Variants in IGF1R observed in about 807,000 individuals in gnomAD.
The protein encoded by IGF1R is insulin-like growth factor 1 receptor.
In IGF1R, 44 loss-of-function variants were observed where a neutral mutation model predicts 144.6. That is an observed-to-expected ratio of 0.30 (90% confidence interval 0.24 to 0.39). IGF1R has a LOEUF of 0.39. Ranked by LOEUF, IGF1R falls within the 10% of genes least tolerant of loss-of-function variation. The pLI is 1.00. For synonymous variants in IGF1R, 795 were observed against 722.8 expected (o/e 1.10, Z -1.60); for missense variants, 1,355 against 1,833.7 (o/e 0.74, Z 4.77).
rs1463560318 is a variant in IGF1R, at chr15:98,924,553, A to C, written c.2651A>C (p.Glu884Ala). 6.2e-7 allele frequency: 1 copy of C among 1,614,184 alleles called. No individual in the cohort carries two copies. The highest frequency in any genetic ancestry group is 8.5e-7 in the Non-Finnish European group (1 of 1,179,996). The change falls in exon 13 of 21, where the codon GAA (glutamate) becomes GCA (alanine). Residue 884 changes from glutamate (E) to alanine (A), a missense_variant. Glu to Ala is a moderately radical substitution (Grantham distance 107). Coordinates refer to ENST00000650285, the MANE Select transcript of IGF1R (RefSeq NM_000875.5). ...CAGCGAGAATGTGTGTCCAGACAGG[A>C]ATACAGGAAGTATGGAGGGGCCAAG... ...EDQRECVSRQ[E>A]YRKYGGAKLN...
intron 2 of IGF1R, among the ~76,000 whole-genome samples, chr15:98,840,453 TACCATTAA>T (rs2011153959): frequency 6.6e-6 from 1 of 152,154 alleles, no homozygotes; most frequent in East Asian, 1.9e-4. Flanking sequence ...AGGCCTGCTT[TACCATTAA>T]GTTGTTAAGA....
intron 1 of IGF1R, among the ~76,000 whole-genome samples, chr15:98,705,313 A>T (rs1353527898): frequency 6.6e-6 from 1 of 152,210 alleles, no homozygotes; most frequent in Non-Finnish European, 1.5e-5. Context: ...ATTCGGTGTC[A>T]TAATGGGGAC....
intron 1 of IGF1R, among the ~76,000 whole-genome samples, chr15:98,698,995 T>A (rs2053662173): frequency 6.6e-6 from 1 of 152,224 alleles, no homozygotes; most frequent in Admixed American, 6.5e-5. Context: ...ATGTAATGTG[T>A]TCTACAAAAT....
intron 2 of IGF1R, among the ~76,000 whole-genome samples, chr15:98,878,696 C>T (rs28541701): frequency 2.0e-4 from 13 of 66,312 alleles, no homozygotes; most frequent in African/African-American, 8.6e-4. Flanking sequence ...AAAAAAAAAA[C>T]AACAACAAAA....
intron 20 of IGF1R, among the ~76,000 whole-genome samples, chr15:98,952,597 T>C (rs190953804): frequency 1.6e-4 from 24 of 152,200 alleles, no homozygotes; most frequent in Middle Eastern, 3.4e-3. Context: ...GGGAGAGCGG[T>C]ATTGTTCTGT....
At chr15:98,954,824 A>C (rs2016915261) in intron 20 of IGF1R, among the ~76,000 whole-genome samples, 1 of 152,190 alleles carries the variant, frequency 6.6e-6, no homozygotes, top group Non-Finnish European at 1.5e-5. Context: ...GGGAGTTTGG[A>C]AAGGCAGGCT....
intron 6 of IGF1R, among the ~76,000 whole-genome samples, chr15:98,910,922 T>C (rs1319067520): frequency 1.3e-5 from 2 of 152,206 alleles, no homozygotes; most frequent in Non-Finnish European, 2.9e-5. Context: ...TCGTCTCTCT[T>C]AAGAAGTTTC....
At chr15:98,875,076 G>A (rs140057254) in intron 2 of IGF1R, among the ~76,000 whole-genome samples, 61 of 152,314 alleles carry the variant, frequency 4.0e-4, no homozygotes, top group Non-Finnish European at 7.9e-4. Flanking sequence ...TTGCACACCA[G>A]TTTGCAGCCT....
Position 98,961,534 on chromosome 15 carries a change from ATT to A in IGF1R, c.*4096_*4097del, listed in dbSNP as rs1453622613. ...TTCATGCTGATTTCTCTGCCTCTTG[ATT>A]TTTCTCTGTGTGTTCCAAATAATCT... On this transcript the variant is annotated 3_prime_UTR_variant, in exon 21 of 21. Coordinates refer to ENST00000650285, the MANE Select transcript of IGF1R (RefSeq NM_000875.5). 4.3e-6 allele frequency: 1 copy of A among 233,464 alleles called. No homozygotes were observed. The highest frequency in any genetic ancestry group is 6.0e-5 in the East Asian group (1 of 16,576). 14.5% of individuals were successfully genotyped at this position (233,464 alleles called of 1,614,324 possible). A position where few individuals can be genotyped will look rare whatever the true frequency, so the allele number is the denominator to read the frequency against.
chr15:98,924,817 C>A, intron 13 of IGF1R, 133 bp downstream of exon 13: 1 of 852,090 alleles, frequency 1.2e-6, no homozygotes, highest in Non-Finnish European at 2.0e-6. Context: ...AAGGGTCATG[C>A]TAAGGTGCCG....
intron 2 of IGF1R, among the ~76,000 whole-genome samples, chr15:98,778,165 C>T (rs1054084950): frequency 2.0e-4 from 31 of 152,190 alleles, no homozygotes; most frequent in African/African-American, 7.0e-4. Flanking sequence ...CGATGTATCC[C>T]CAAGGGCAAC....
chr15:98,740,944 C>G (rs970601541), intron 2 of IGF1R, among the ~76,000 whole-genome samples: 37 of 152,122 alleles, frequency 2.4e-4, no homozygotes, highest in African/African-American at 8.5e-4. Context: ...TAGTATTCCT[C>G]AAGGATAGCT....
At chr15:98,760,236 A>C (rs1325533994) in intron 2 of IGF1R, among the ~76,000 whole-genome samples, 1 of 152,036 alleles carries the variant, frequency 6.6e-6, no homozygotes, top group Non-Finnish European at 1.5e-5. Flanking sequence ...CTGTAATCCC[A>C]GCCACTTGGG....
At chr15:98,952,851 T>G (rs556299686) in intron 20 of IGF1R, 2 of 152,322 alleles carry the variant, frequency 1.3e-5, no homozygotes, top group Admixed American at 1.3e-4. Context: ...TCGAGAATTT[T>G]TCTCCCTTCT....
At chr15:98,803,897 T>C (rs577415694) in intron 2 of IGF1R, among the ~76,000 whole-genome samples, 12 of 152,366 alleles carry the variant, frequency 7.9e-5, no homozygotes, top group Admixed American at 6.5e-4. Flanking sequence ...TAGTCACTTA[T>C]TATCATTATC....
chr15:98,828,087 G>A (rs1567149344), intron 2 of IGF1R, among the ~76,000 whole-genome samples: 1 of 152,194 alleles, frequency 6.6e-6, no homozygotes, highest in African/African-American at 2.4e-5. Flanking sequence ...CCCGCTGGGG[G>A]CATTCACCCT....
chr15:98,803,194 A>G (rs2056397856), intron 2 of IGF1R, among the ~76,000 whole-genome samples: 6 of 152,210 alleles, frequency 3.9e-5, no homozygotes. Context: ...AGCCTACTAC[A>G]CACCTAGGGT....
chr15:98,699,954 G>C (rs1040552992), intron 1 of IGF1R, among the ~76,000 whole-genome samples: 4 of 152,168 alleles, frequency 2.6e-5, no homozygotes, highest in Admixed American at 2.6e-4. Flanking sequence ...CAGGATTGCT[G>C]TCTGTGTGAA....
At chr15:98,802,694 A>G (rs1043195721) in intron 2 of IGF1R, among the ~76,000 whole-genome samples, 2 of 152,240 alleles carry the variant, frequency 1.3e-5, no homozygotes, top group Non-Finnish European at 2.9e-5. Flanking sequence ...GTCTAGCATC[A>G]TTGAAAGAGT....
Sources: gnomAD v4.1 joint callset for allele counts (sites outside exome capture counted in the v4.1 genomes callset) on GRCh38, gnomAD v4.1.1 for gene constraint, MANE v1.5 for transcripts, NCBI Gene and HGNC (gene_info 2026-07-23, HGNC 2026-07-21) for gene names.